The following BAZ2B variants were observed in gnomAD, a reference collection of about 807,000 sequenced individuals.
BAZ2B encodes bromodomain adjacent to zinc finger domain protein 2B.
BAZ2B carries 91 observed loss-of-function variants against 246.0 expected under a neutral mutation model. The observed-to-expected ratio is 0.37, with a 90% CI of 0.31 to 0.44. The LOEUF (loss-of-function observed/expected upper bound fraction) is 0.44. Among genes scored for constraint, BAZ2B ranks in the 20% least tolerant of loss-of-function variants. The pLI is 1.00. For missense variants in BAZ2B, 2,332 were observed against 2,533.7 expected (o/e 0.92, Z 1.71); for synonymous variants, 855 against 860.0 (o/e 0.99, Z 0.10).
At chr2:159,569,106 A>ATATC (rs938653338) in intron 1 of BAZ2B, among the ~76,000 whole-genome samples, 3 of 152,196 alleles carry the variant, frequency 2.0e-5, no homozygotes, top group African/African-American at 7.2e-5. Context: ...ATTTCAACAT[A>ATATC]TATCTCTATT....
the BAZ2B span, among the ~76,000 whole-genome samples, chr2:159,656,145 T>C: frequency 6.6e-6 from 1 of 152,306 alleles, no homozygotes; most frequent in Admixed American, 6.5e-5. Context: ...TCTCATGCAG[T>C]GTGTAGCTAC....
At chr2:159,450,094 T>C (rs2074842035) in intron 4 of BAZ2B, among the ~76,000 whole-genome samples, 1 of 152,190 alleles carries the variant, frequency 6.6e-6, no homozygotes, top group African/African-American at 2.4e-5. Context: ...AAAGTGGAAT[T>C]CATAGACTTT....
intron 13 of BAZ2B, among the ~76,000 whole-genome samples, chr2:159,423,028 A>G (rs538475381): frequency 1.3e-5 from 2 of 152,106 alleles, no homozygotes; most frequent in Admixed American, 1.3e-4. Context: ...CAGAATGGCT[A>G]TTGTTGGCCG....
intron 27 of BAZ2B, among the ~76,000 whole-genome samples, chr2:159,355,862 G>A (rs1461499948): frequency 6.6e-6 from 1 of 152,188 alleles, no homozygotes; most frequent in Non-Finnish European, 1.5e-5. Context: ...GTGGGGCATT[G>A]CCTCACCCAG....
chr2:159,467,888 G>C (rs1176212073), intron 3 of BAZ2B, among the ~76,000 whole-genome samples: 1 of 152,142 alleles, frequency 6.6e-6, no homozygotes. Flanking sequence ...AAATCACATA[G>C]TTATAACTAC....
rs2059056439 is a variant in BAZ2B, at chr2:159,355,870, C to T, written c.4214-5513G>A. Among the ~76,000 whole-genome samples the T allele has an allele frequency of 2.6e-5, 4 of 152,194 alleles. No homozygotes were observed. The South Asian group carries it at 8.3e-4, about 31-fold the overall frequency. On this transcript the variant is annotated intron_variant, in intron 27 of 36. Transcript: ENST00000392783. ...AAGTAGGGTGGGGCATTGCCTCACCCAGGAAGTGCAAGGGGTCCGGGAACT... is the reference window on the plus strand; with the variant it reads ...AAGTAGGGTGGGGCATTGCCTCACCTAGGAAGTGCAAGGGGTCCGGGAACT...
the BAZ2B span, among the ~76,000 whole-genome samples, chr2:159,632,855 T>C: frequency 6.6e-6 from 1 of 152,248 alleles, no homozygotes; most frequent in Non-Finnish European, 1.5e-5. Context: ...ACATATACTT[T>C]TGTTGTTTTA....
intron 27 of BAZ2B, among the ~76,000 whole-genome samples, chr2:159,366,429 G>T (rs940607364): frequency 2.0e-5 from 3 of 152,204 alleles, no homozygotes; most frequent in Non-Finnish European, 4.4e-5. Context: ...GCACATTTTG[G>T]AAGTACTATG....
chr2:159,391,950 G>A (rs1344680551), intron 20 of BAZ2B, among the ~76,000 whole-genome samples: 2 of 152,038 alleles, frequency 1.3e-5, no homozygotes, highest in Admixed American at 6.6e-5. Flanking sequence ...TGTGGTTATG[G>A]TACAAGTTAA....
intron 2 of BAZ2B, among the ~76,000 whole-genome samples, chr2:159,523,157 A>G (rs1202322541): frequency 2.6e-5 from 4 of 151,830 alleles, no homozygotes; most frequent in African/African-American, 9.7e-5. Context: ...AGTCCCAGCT[A>G]CTCAGGAGGC....
intron 2 of BAZ2B, among the ~76,000 whole-genome samples, chr2:159,498,719 C>T (rs2081407908): frequency 6.6e-6 from 1 of 152,138 alleles, no homozygotes; most frequent in Non-Finnish European, 1.5e-5. Context: ...CCCTACCATT[C>T]TCTTAAGTAT....
chr2:159,360,973 C>A (rs528191804), intron 27 of BAZ2B, among the ~76,000 whole-genome samples: 1 of 152,054 alleles, frequency 6.6e-6, no homozygotes, highest in Non-Finnish European at 1.5e-5. Flanking sequence ...AAGACTTAAA[C>A]GTCAGACCTA....
At chr2:159,474,806 C>T (rs939642599) in intron 3 of BAZ2B, among the ~76,000 whole-genome samples, 14 of 152,166 alleles carry the variant, frequency 9.2e-5, no homozygotes, top group African/African-American at 2.4e-4. Flanking sequence ...ATTTCTCCTT[C>T]GCTGTTGAAG....
At chr2:159,682,453 A>G in the BAZ2B span, among the ~76,000 whole-genome samples, 2 of 152,242 alleles carry the variant, frequency 1.3e-5, no homozygotes, top group African/African-American at 2.4e-5. Context: ...TGCTGATTAC[A>G]GGTGTGAGCC....
At chr2:159,623,022 AAAAGAAGAAAG>A in the BAZ2B span, among the ~76,000 whole-genome samples, 12 of 125,070 alleles carry the variant, frequency 9.6e-5, no homozygotes, top group Admixed American at 6.0e-4. Context: ...GAAAGGAAAG[AAAAGAAGAAAG>A]AAAGAGGAAA....
In BAZ2B at chr2:159,445,284, T is replaced by C. The variant is rs927447241; in HGVS notation, c.696+1498A>G. ...AGGAAAAATTTAACATAAAGAATTA[T>C]TGATTAATAACAGAAGATTAACTAC... On this transcript the variant is annotated intron_variant, in intron 6 of 36. Transcript: ENST00000392783. 3.3e-5 allele frequency among the ~76,000 whole-genome samples: 5 copies of C among 152,264 alleles called. No individual in the cohort carries two copies. In the South Asian group the frequency reaches 8.3e-4, roughly 25 times the overall value.
chr2:159,389,360 G>T lies in BAZ2B; in HGVS notation c.3201C>A (p.Cys1067Ter). The change falls in exon 21 of 37, where the codon TGC (cysteine) becomes TGA (stop). Residue 1067 changes from cysteine to a stop codon, truncating the protein, a stop_gained. Coordinates refer to ENST00000392783, the MANE Select transcript of BAZ2B (RefSeq NM_013450.4). LOFTEE classifies it high-confidence loss of function. ...TATAAATTACCTTTTGGTCTGCTAAGCACATGTCTTCATTAGGCTTCTTTA... is the reference window on the plus strand; with the variant it reads ...TATAAATTACCTTTTGGTCTGCTAATCACATGTCTTCATTAGGCTTCTTTA... The part of the protein sequence containing the change: ...KELKKPNEDM[C>*]LADQKPLPEL... 1 of 1,608,500 alleles carries T rather than the reference G, an allele frequency of 6.2e-7. No individual in the cohort carries two copies. Among genetic ancestry groups the T allele is most frequent in the Non-Finnish European group, 8.5e-7 (1 of 1,177,592 alleles).
At chr2:159,341,614 T>C (rs932216849) in intron 31 of BAZ2B, among the ~76,000 whole-genome samples, 3 of 152,176 alleles carry the variant, frequency 2.0e-5, no homozygotes, top group Non-Finnish European at 4.4e-5. Context: ...GGACTGACCA[T>C]ATGTTAGGAC....
chr2:159,527,662 C>T (rs1340588551), intron 2 of BAZ2B, among the ~76,000 whole-genome samples: 1 of 152,168 alleles, frequency 6.6e-6, no homozygotes, highest in Non-Finnish European at 1.5e-5. Context: ...ACTTCAACTA[C>T]TTTGTCTAGT....
Sources: allele counts gnomAD v4.1 joint callset (sites outside exome capture counted in the v4.1 genomes callset), GRCh38; gene constraint gnomAD v4.1.1; transcripts MANE v1.5; gene names NCBI Gene and HGNC (gene_info 2026-07-23, HGNC 2026-07-21).